TPCN1: variants seen among roughly 807,000 people sequenced by gnomAD.
TPCN1 encodes two pore channel protein 1.
A neutral mutation model predicts 108.8 loss-of-function variants in TPCN1; 52 were observed. The observed-to-expected ratio is 0.48, with a 90% CI of 0.38 to 0.60. TPCN1 has a LOEUF of 0.60. TPCN1 is among the 20% of genes least tolerant of loss of function. The pLI is 0.00. For missense variants in TPCN1, 806 were observed against 1,072.8 expected (o/e 0.75, Z 3.47); for synonymous variants, 446 against 433.7 (o/e 1.03, Z -0.35).
At chr12:113,238,035 A>G (rs1953959907) in intron 2 of TPCN1, among the ~76,000 whole-genome samples, 2 of 152,094 alleles carry the variant, frequency 1.3e-5, no homozygotes, top group East Asian at 3.9e-4. Context: ...TGAACAACCC[A>G]TCTTGGGTTG....
In TPCN1 at chr12:113,286,336, T is replaced by C. The variant is rs1180791634; in HGVS notation, c.1526+375T>C. Reference sequence around the variant, plus strand: ...TGAGACCCCATGTGGCCCTTCTCCCTATTCCCCAGAGCGTTGGAGGTCACT... The same window carrying C: ...TGAGACCCCATGTGGCCCTTCTCCCCATTCCCCAGAGCGTTGGAGGTCACT... On this transcript the variant is annotated intron_variant, in intron 18 of 27. Coordinates refer to ENST00000335509, the MANE Select transcript of TPCN1 (RefSeq NM_017901.6). Among the ~76,000 whole-genome samples the C allele has an allele frequency of 3.1e-5, 4 of 130,076 alleles. 1 individual carries two copies. The highest frequency in any genetic ancestry group is 1.1e-4 in the African/African-American group (4 of 36,248). 85.3% of individuals were successfully genotyped at this position (130,076 alleles called of 152,430 possible).
intron 2 of TPCN1, among the ~76,000 whole-genome samples, chr12:113,238,170 T>G (rs1360238865): frequency 1.3e-5 from 2 of 152,190 alleles, no homozygotes; most frequent in Non-Finnish European, 1.5e-5. Flanking sequence ...TAGCCACACT[T>G]CCGGTATTGA....
intron 15 of TPCN1, among the ~76,000 whole-genome samples, chr12:113,281,293 G>T (rs2136698402): frequency 6.6e-6 from 1 of 152,234 alleles, no homozygotes; most frequent in Admixed American, 6.5e-5. Context: ...ACCTGCCTCA[G>T]CCTCCCAAAG....
At position 113,260,365 on chromosome 12, in the gene TPCN1, C is replaced by T. The variant is rs367710428; in HGVS notation, c.113-3C>T. 2 of 1,493,212 alleles carry T rather than the reference C, an allele frequency of 1.3e-6. No homozygotes were observed. Among genetic ancestry groups the T allele is most frequent in the Non-Finnish European group, 8.9e-7 (1 of 1,124,424 alleles). 92.5% of individuals were successfully genotyped at this position (1,493,212 alleles called of 1,614,324 possible). On this transcript the variant is annotated splice_polypyrimidine_tract_variant and splice_region_variant and intron_variant, in intron 2 of 27. Coordinates refer to ENST00000335509, the MANE Select transcript of TPCN1 (RefSeq NM_017901.6). ...AGTGAATCTCTCTCCTCTTCCAATG[C>T]AGATGGCGGCAGCTATGCCATCCAC...
chr12:113,253,131 T>G (rs985847313), intron 2 of TPCN1, among the ~76,000 whole-genome samples: 1 of 152,202 alleles, frequency 6.6e-6, no homozygotes, highest in African/African-American at 2.4e-5. Flanking sequence ...GGGAGGTTAC[T>G]TAGCTTCTCT....
intron 2 of TPCN1, among the ~76,000 whole-genome samples, chr12:113,254,385 C>T (rs1366095679): frequency 2.6e-5 from 4 of 152,160 alleles, no homozygotes; most frequent in Non-Finnish European, 2.9e-5. Flanking sequence ...AAAGAAACCT[C>T]GGACCAACAT....
At chr12:113,276,896 G>A in intron 10 of TPCN1, 23 bp from the exon 11 acceptor site, 3 of 1,558,444 alleles carry the variant, frequency 1.9e-6, no homozygotes, top group Non-Finnish European at 2.7e-6. Flanking sequence ...CCTGAGCTAG[G>A]GCTCTGTGCT....
At chr12:113,270,490 T>G (rs571675968) in intron 7 of TPCN1, among the ~76,000 whole-genome samples, 48 of 151,654 alleles carry the variant, frequency 3.2e-4, no homozygotes, top group African/African-American at 6.3e-4. Flanking sequence ...GTTTTGTTTT[T>G]TTTTTTTTGA....
chr12:113,278,722 C>T lies in TPCN1; in HGVS notation c.1234-50C>T, dbSNP rs189960805. 4,688 of 1,520,976 alleles carry T rather than the reference C, an allele frequency of 3.1e-3. 18 individuals are homozygous for T. The highest frequency in any genetic ancestry group is 4.1e-3 in the Non-Finnish European group (4,513 of 1,095,770). The allele number at this position is 1,520,976 out of a possible 1,614,324, so 94.2% of individuals were successfully genotyped here. A position where few individuals can be genotyped will look rare whatever the true frequency, so the allele number is the denominator to read the frequency against. On this transcript the variant is annotated intron_variant, in intron 13 of 27. Coordinates refer to ENST00000335509, the MANE Select transcript of TPCN1 (RefSeq NM_017901.6). ...GCCAGCATCCTGGCTCCAGGCAGGG[C>T]CCTGGTCCCTGGCCCTGACACCCTC... is the stretch of plus-strand genomic sequence containing the variant.
intron 1 of TPCN1, among the ~76,000 whole-genome samples, chr12:113,226,216 G>A (rs930022739): frequency 2.0e-4 from 30 of 150,308 alleles, no homozygotes; most frequent in African/African-American, 7.1e-4. Flanking sequence ...CCACCCCACC[G>A]GCCAATTTTT....
In TPCN1 at chr12:113,287,032, G is replaced by A. The variant is rs12322533; in HGVS notation, c.1572G>A (p.Ala524=). The part of the protein sequence containing the change: ...VTVFAFLGLL[A]LALNMEPFYF... ...TGTTCGCCTTCCTGGGACTGCTGGC[G>A]CTGGCCCTCAACATGGAGCCCTTCT... Residue 524 remains alanine (A), a synonymous_variant, in exon 19 of 28, where the codon GCG becomes GCA. Coordinates refer to ENST00000335509, the MANE Select transcript of TPCN1 (RefSeq NM_017901.6). 652 of 1,613,858 alleles carry A rather than the reference G, an allele frequency of 4.0e-4. 1 individual carries two copies. The African/African-American group carries it at 7.0e-3, about 17-fold the overall frequency.
At chr12:113,274,407 C>A (rs556479778) in intron 10 of TPCN1, among the ~76,000 whole-genome samples, 5 of 151,832 alleles carry the variant, frequency 3.3e-5, no homozygotes, top group African/African-American at 7.3e-5. Context: ...GAGATCATGC[C>A]GTTGCACTCC....
intron 10 of TPCN1, among the ~76,000 whole-genome samples, chr12:113,276,707 G>C (rs1955683999): frequency 6.6e-6 from 1 of 152,150 alleles, no homozygotes; most frequent in South Asian, 2.1e-4. Context: ...ATCTGAAGAG[G>C]GAAATTTACA....
intron 2 of TPCN1, among the ~76,000 whole-genome samples, chr12:113,237,051 T>C (rs1435097456): frequency 6.6e-6 from 1 of 152,192 alleles, no homozygotes; most frequent in Non-Finnish European, 1.5e-5. Flanking sequence ...GCATGGGAGC[T>C]GCTAAATGTG....
At position 113,277,373 on chromosome 12, in the gene TPCN1, A is replaced by G. The variant is rs766924893; in HGVS notation, c.1184+9A>G. The G allele has an allele frequency of 6.2e-7, 1 of 1,613,874 alleles. No individual in the cohort carries two copies. Among genetic ancestry groups the G allele is most frequent in the African/African-American group, 1.3e-5 (1 of 74,938 alleles). ...AACACACCCCTGCTCAGGTAAGAGC[A>G]GATGCCTGGTAGGGGCAGCATGGCC... On this transcript the variant is annotated intron_variant, in intron 12 of 27. Coordinates refer to ENST00000335509, the MANE Select transcript of TPCN1 (RefSeq NM_017901.6).
chr12:113,241,508 A>G (rs115645227), intron 2 of TPCN1, among the ~76,000 whole-genome samples: 2,311 of 152,332 alleles, frequency 0.015, 57 homozygotes, highest in African/African-American at 0.052. Context: ...AGTAGCCTTC[A>G]TGCAGCTTGA....
At chr12:113,233,448 C>T (rs1396608937) in intron 2 of TPCN1, among the ~76,000 whole-genome samples, 2 of 152,210 alleles carry the variant, frequency 1.3e-5, no homozygotes, top group East Asian at 1.9e-4. Context: ...GTGCCCTCTG[C>T]GGGGAGGTTT....
rs1051447096 is a variant in TPCN1, at chr12:113,273,815, C to T, written c.942+147C>T. ...GAAGTCCCAGATTCATAGTCAGGTGCGGTGTTGCAGGGAATGCCCTGTCGG... is the reference window on the plus strand; with the variant it reads ...GAAGTCCCAGATTCATAGTCAGGTGTGGTGTTGCAGGGAATGCCCTGTCGG... On this transcript the variant is annotated intron_variant, in intron 10 of 27. Transcript: ENST00000335509. This position sits in a 1 kb window ranked among gnomAD's most constrained non-coding sequence, Gnocchi z 4.0. 44 of 760,332 alleles carry T rather than the reference C, an allele frequency of 5.8e-5. 1 individual carries two copies. Among genetic ancestry groups the T allele is most frequent in the South Asian group, 4.2e-4 (28 of 66,836 alleles). 47.1% of individuals were successfully genotyped at this position (760,332 alleles called of 1,614,324 possible).
intron 22 of TPCN1, 50 bp downstream of exon 22, chr12:113,290,293 G>A: frequency 8.0e-7 from 1 of 1,252,400 alleles, no homozygotes; most frequent in Non-Finnish European, 1.1e-6. Context: ...CCCCACCCTT[G>A]TCACCCTTGT....
Sources: gnomAD v4.1 joint callset for allele counts (sites outside exome capture counted in the v4.1 genomes callset) on GRCh38, gnomAD v4.1.1 for gene constraint, Gnocchi (gnomAD v3.1) non-coding constraint, MANE v1.5 for transcripts, NCBI Gene and HGNC (gene_info 2026-07-23, HGNC 2026-07-21) for gene names.